The following ATP2A2 variants were observed in gnomAD, a reference collection of about 807,000 sequenced individuals.
The protein encoded by ATP2A2 is sarcoplasmic/endoplasmic reticulum calcium ATPase 2.
In ATP2A2, 14 loss-of-function variants were observed where a neutral mutation model predicts 109.3. That is an observed-to-expected ratio of 0.13 (90% CI 0.08 to 0.20). ATP2A2 has a LOEUF of 0.20. Ranked by LOEUF, ATP2A2 falls within the 10% of genes least tolerant of loss-of-function variation. The pLI, the probability that ATP2A2 is intolerant of heterozygous loss-of-function variation, is 1.00. For missense variants in ATP2A2, 657 were observed against 1,321.6 expected, an observed-to-expected ratio of 0.50 and a Z score of 7.80; for synonymous variants, 506 against 490.9, an observed-to-expected ratio of 1.03 and a Z score of -0.41.
chr12:110,309,233 C>T (rs1468382223), intron 5 of ATP2A2, among the ~76,000 whole-genome samples: 2 of 133,976 alleles, frequency 1.5e-5, no homozygotes, highest in Non-Finnish European at 3.1e-5. Flanking sequence ...TCTCAGCTCA[C>T]TGCAACCTCC....
rs886711755 is a variant in ATP2A2, at chr12:110,323,147, C to G, written c.544+75C>G. Reference sequence around the variant, plus strand: ...CCATGCCAATAGAGTTGGCTCTTGCCTCACTGTCCCTTTATGGTATCCCAT... The same window carrying G: ...CCATGCCAATAGAGTTGGCTCTTGCGTCACTGTCCCTTTATGGTATCCCAT... On this transcript the variant is annotated intron_variant, in intron 6 of 19. Coordinates refer to ENST00000539276, the MANE Select transcript of ATP2A2 (RefSeq NM_170665.4). The G allele has an allele frequency of 4.6e-6, 5 of 1,086,014 alleles. No individual in the cohort carries two copies. In the African/African-American group the frequency reaches 7.7e-5, roughly 17 times the overall value. The allele number at this position is 1,086,014 out of a possible 1,614,324, so 67.3% of individuals were successfully genotyped here.
At chr12:110,307,536 A>G (rs1875501760) in intron 5 of ATP2A2, among the ~76,000 whole-genome samples, 2 of 152,188 alleles carry the variant, frequency 1.3e-5, no homozygotes, top group African/African-American at 2.4e-5. Flanking sequence ...GCCCAGCAAT[A>G]ATAGTCACTC....
chr12:110,290,834 C>T (rs1873187233), intron 3 of ATP2A2, among the ~76,000 whole-genome samples: 1 of 152,050 alleles, frequency 6.6e-6, no homozygotes, highest in South Asian at 2.1e-4. Flanking sequence ...GAATTCCTGA[C>T]CTCAGGCGAT....
chr12:110,291,942 C>T (rs1379022961), intron 3 of ATP2A2, 78 bp from the exon 4 acceptor site: 16 of 1,292,824 alleles, frequency 1.2e-5, no homozygotes, highest in South Asian at 9.6e-5. Context: ...CCACCATGCT[C>T]GGCCAGTGCT....
chr12:110,347,403 A>G lies in ATP2A2; in HGVS notation c.*933A>G. 1 of 1,289,124 alleles carries G rather than the reference A, an allele frequency of 7.8e-7. No homozygotes were observed. Among genetic ancestry groups the G allele is most frequent in the Non-Finnish European group, 1.0e-6 (1 of 988,694 alleles). 79.9% of individuals were successfully genotyped at this position (1,289,124 alleles called of 1,614,324 possible). On this transcript the variant is annotated 3_prime_UTR_variant, in exon 20 of 20. Coordinates refer to ENST00000539276, the MANE Select transcript of ATP2A2 (RefSeq NM_170665.4). Reference sequence around the variant, plus strand: ...CAACTTTCTCTCCAGTTCTTAGCTCAGAACTTTAGTTGTACTCTGCTTGAG... The same window carrying G: ...CAACTTTCTCTCCAGTTCTTAGCTCGGAACTTTAGTTGTACTCTGCTTGAG...
intron 16 of ATP2A2, among the ~76,000 whole-genome samples, chr12:110,344,191 C>T (rs553815422): frequency 6.6e-6 from 1 of 152,230 alleles, no homozygotes; most frequent in Admixed American, 6.5e-5. Flanking sequence ...TTGCAGCCAG[C>T]GGCCTTCATG....
chr12:110,311,930 A>G (rs1202800180), intron 5 of ATP2A2, among the ~76,000 whole-genome samples: 1 of 151,710 alleles, frequency 6.6e-6, no homozygotes, highest in African/African-American at 2.4e-5. Context: ...TCATGCCAGC[A>G]CTTTGGGAGG....
intron 3 of ATP2A2, among the ~76,000 whole-genome samples, chr12:110,287,261 A>T (rs900215165): frequency 1.9e-4 from 29 of 150,462 alleles, no homozygotes; most frequent in Non-Finnish European, 3.0e-4. Flanking sequence ...TCAAAAAAAA[A>T]TTTTTTTTTT....
chr12:110,347,385 C>G lies in ATP2A2; in HGVS notation c.*915C>G, dbSNP rs1355953846. The G allele has an allele frequency of 7.8e-7, 1 of 1,289,126 alleles. No homozygotes were observed. The highest frequency in any genetic ancestry group is 1.2e-5 in the South Asian group (1 of 81,012). 79.9% of individuals were successfully genotyped at this position (1,289,126 alleles called of 1,614,324 possible). On this transcript the variant is annotated 3_prime_UTR_variant, in exon 20 of 20. Transcript: ENST00000539276. ...GGGACTAACAGACATGTCCAACTTT[C>G]TCTCCAGTTCTTAGCTCAGAACTTT...
chr12:110,341,175 T>C (rs1192731620), intron 14 of ATP2A2, among the ~76,000 whole-genome samples, 181 bp downstream of exon 14: 1 of 152,144 alleles, frequency 6.6e-6, no homozygotes, highest in Non-Finnish European at 1.5e-5. Context: ...GCAGGGAAGA[T>C]CCTAGAGTCG....
At chr12:110,282,683 A>T (rs759513687) in intron 2 of ATP2A2, 30 bp from the exon 3 acceptor site, 2 of 1,613,566 alleles carry the variant, frequency 1.2e-6, no homozygotes. Flanking sequence ...GTAAGATGAC[A>T]GTTAAAACAC....
rs1592846009 is a variant in ATP2A2 at position 110,327,963 on chromosome 12, T to C, written c.1041T>C (p.Val347=). The change falls in exon 8 of 20, where the codon GTT becomes GTC. Residue 347 remains valine (V), a synonymous_variant. Coordinates refer to ENST00000539276, the MANE Select transcript of ATP2A2 (RefSeq NM_170665.4). This position sits in a 1 kb window ranked among gnomAD's most constrained non-coding sequence, Gnocchi z 4.4. ...TGGAAACCCTTGGTTGTACTTCTGT[T>C]ATCTGCTCAGACAAGACTGGTACAC... ...PSVETLGCTS[V]ICSDKTGTLT... 6.2e-7 allele frequency: 1 copy of C among 1,614,158 alleles called. No individual in the cohort carries two copies. Among genetic ancestry groups the C allele is most frequent in the Non-Finnish European group, 8.5e-7 (1 of 1,180,036 alleles).
chr12:110,336,809 C>T (rs933760704), intron 11 of ATP2A2, among the ~76,000 whole-genome samples: 1 of 152,198 alleles, frequency 6.6e-6, no homozygotes, highest in Non-Finnish European at 1.5e-5. Flanking sequence ...TGGCTTCTTC[C>T]CTCTACCCAT....
In ATP2A2 at chr12:110,349,627, G is replaced by A; in HGVS notation, c.*3157G>A. 2.0e-6 allele frequency: 2 copies of A among 986,508 alleles called. No homozygotes were observed. Among genetic ancestry groups the A allele is most frequent in the South Asian group, 4.7e-5 (1 of 21,344 alleles). The allele number at this position is 986,508 out of a possible 1,614,324, so 61.1% of individuals were successfully genotyped here. On this transcript the variant is annotated 3_prime_UTR_variant, in exon 20 of 20. Transcript: ENST00000539276. ...TGGAGCTTCAGCCCTGACTGAGGTG[G>A]GCAGACCTAAGACCTGAGACCACAA...
rs1264603397 is a variant in ATP2A2, at chr12:110,349,053, C to T, written c.*2583C>T. ...AGCTTCATGGTTTCTCAGCTTCAGA[C>T]CCCTCCAGCCCACAGAGGAGCCCAT... On this transcript the variant is annotated 3_prime_UTR_variant, in exon 20 of 20. Coordinates refer to ENST00000539276, the MANE Select transcript of ATP2A2 (RefSeq NM_170665.4). The T allele has an allele frequency of 6.1e-6, 6 of 985,354 alleles. No homozygotes were observed. The highest frequency in any genetic ancestry group is 3.5e-5 in the African/African-American group (2 of 57,222). The allele number at this position is 985,354 out of a possible 1,614,324, so 61.0% of individuals were successfully genotyped here.
rs1880090137 is a variant in ATP2A2, at chr12:110,348,428, C to G, written c.*1958C>G. 2.0e-6 allele frequency: 2 copies of G among 985,504 alleles called. No individual in the cohort carries two copies. The highest frequency in any genetic ancestry group is 2.4e-6 in the Non-Finnish European group (2 of 830,074). The allele number at this position is 985,504 out of a possible 1,614,324, so 61.0% of individuals were successfully genotyped here. On this transcript the variant is annotated 3_prime_UTR_variant, in exon 20 of 20. Transcript: ENST00000539276. ...ATATTCTTCAAAATGTACTTAGGCTCTGGTTACTGGGATGGCCAGTAGATG... is the reference window on the plus strand; with the variant it reads ...ATATTCTTCAAAATGTACTTAGGCTGTGGTTACTGGGATGGCCAGTAGATG...
chr12:110,345,400 G>T lies in ATP2A2; in HGVS notation c.2741+18G>T. 1 of 1,614,166 alleles carries T rather than the reference G, an allele frequency of 6.2e-7. No homozygotes were observed. Among genetic ancestry groups the T allele is most frequent in the Non-Finnish European group, 8.5e-7 (1 of 1,180,020 alleles). On this transcript the variant is annotated intron_variant, in intron 18 of 19. Transcript: ENST00000539276. ...CTCAACAGGTTAGTGCACCTTCACGGCAGGCTGAGGCGAGCATGGTGACTG... is the reference window on the plus strand; with the variant it reads ...CTCAACAGGTTAGTGCACCTTCACGTCAGGCTGAGGCGAGCATGGTGACTG...
At chr12:110,290,186 G>A (rs909414709) in intron 3 of ATP2A2, among the ~76,000 whole-genome samples, 3 of 152,134 alleles carry the variant, frequency 2.0e-5, no homozygotes, top group Admixed American at 6.6e-5. Context: ...GAAAAGAAAC[G>A]GGGAATTAAC....
Position 110,340,513 on chromosome 12 carries a change from G to C in ATP2A2, c.1762-146G>C. 1.1e-6 allele frequency: 1 copy of C among 899,122 alleles called. No individual in the cohort carries two copies. The highest frequency in any genetic ancestry group is 1.7e-6 in the Non-Finnish European group (1 of 598,982). 55.7% of individuals were successfully genotyped at this position (899,122 alleles called of 1,614,324 possible). A position where few individuals can be genotyped will look rare whatever the true frequency, so the allele number is the denominator to read the frequency against. ...AGATTGCGCCATGGCACTCCAGCCTGGGCAACAAGAGCGAAACTCCGCCTC... is the reference window on the plus strand; with the variant it reads ...AGATTGCGCCATGGCACTCCAGCCTCGGCAACAAGAGCGAAACTCCGCCTC... On this transcript the variant is annotated intron_variant, in intron 13 of 19. Transcript: ENST00000539276. This position sits in a 1 kb window ranked among gnomAD's most constrained non-coding sequence, Gnocchi z 6.0.
Sources: allele counts gnomAD v4.1 joint callset (sites outside exome capture counted in the v4.1 genomes callset), GRCh38; gene constraint gnomAD v4.1.1; non-coding constraint Gnocchi (gnomAD v3.1); transcripts MANE v1.5; gene names NCBI Gene and HGNC (gene_info 2026-07-23, HGNC 2026-07-21).